PARL: variants seen among roughly 807,000 people sequenced by gnomAD.
PARL encodes presenilin-associated rhomboid-like protein, mitochondrial.
Under a neutral mutation model 51.6 loss-of-function variants are expected in PARL, and 44 were observed. The observed-to-expected ratio is 0.85, with a 90% CI of 0.67 to 1.10. The LOEUF is 1.10. Ranked by LOEUF, PARL falls within the 50% of genes least tolerant of loss-of-function variation. The probability of loss-of-function intolerance (pLI) is 0.00; values close to 1 mark genes in which losing one functional copy is unlikely to be tolerated. For missense variants in PARL, 441 were observed against 469.5 expected (o/e 0.94, Z 0.56); for synonymous variants, 172 against 164.0 (o/e 1.05, Z -0.37).
chr3:183,862,250 A>G (rs912135750), intron 4 of PARL, among the ~76,000 whole-genome samples: 2 of 152,188 alleles, frequency 1.3e-5, no homozygotes, highest in Non-Finnish European at 2.9e-5. Flanking sequence ...GGGGGAGAAG[A>G]GCGAAAACTG....
Position 183,875,415 on chromosome 3 carries a change from C to CAAAA in PARL, c.126-7359_126-7356dup, listed in dbSNP as rs61316689. Among the ~76,000 whole-genome samples the CAAAA allele has an allele frequency of 2.4e-3, 146 of 60,040 alleles. 1 individual carries two copies. The highest frequency in any genetic ancestry group is 0.013 in the Middle Eastern group (1 of 76). The allele number at this position is 60,040 out of a possible 152,430, so 39.4% of individuals were successfully genotyped here. The stretch of plus-strand genomic sequence containing the variant: ...GGGCGACAGAGCAAGACTCTGTCTC[C>CAAAA]AAAAAAAAAAAAAAAAAAAAAAATA... On this transcript the variant is annotated intron_variant, in intron 1 of 9. Coordinates refer to ENST00000317096, the MANE Select transcript of PARL (RefSeq NM_018622.7).
At chr3:183,881,419 G>C (rs189998685) in intron 1 of PARL, among the ~76,000 whole-genome samples, 1 of 152,336 alleles carries the variant, frequency 6.6e-6, no homozygotes, top group Non-Finnish European at 1.5e-5. Flanking sequence ...ACTATGCCCA[G>C]CCTGTGCATT....
chr3:183,870,492 T>G (rs1179251612), intron 1 of PARL, among the ~76,000 whole-genome samples: 3 of 151,910 alleles, frequency 2.0e-5, no homozygotes, highest in Non-Finnish European at 1.5e-5. Context: ...CTATAGTTTC[T>G]CAAATGTCCT....
intron 4 of PARL, among the ~76,000 whole-genome samples, chr3:183,860,678 G>T (rs1261998979): frequency 6.6e-6 from 1 of 152,192 alleles, no homozygotes; most frequent in East Asian, 1.9e-4. Flanking sequence ...AAACTCTGAT[G>T]CTAGGCTTCT....
At chr3:183,870,452 T>A (rs1162920281) in intron 1 of PARL, among the ~76,000 whole-genome samples, 1 of 151,938 alleles carries the variant, frequency 6.6e-6, no homozygotes, top group Non-Finnish European at 1.5e-5. Context: ...TGCATGTTCT[T>A]CTGGCCTCAC....
At chr3:183,860,300 T>C (rs1360817314) in intron 4 of PARL, among the ~76,000 whole-genome samples, 1 of 152,162 alleles carries the variant, frequency 6.6e-6, no homozygotes, top group African/African-American at 2.4e-5. Flanking sequence ...ATATAGGTAA[T>C]TGATTAAGCA....
At chr3:183,882,249 A>ATATATATATATATATTTATATATT (rs1553906098) in intron 1 of PARL, among the ~76,000 whole-genome samples, 1 of 43,904 alleles carries the variant, frequency 2.3e-5, no homozygotes. Flanking sequence ...ATATATTTAT[A>ATATATATATATATATTTATATATT]TATATATATA....
intron 1 of PARL, chr3:183,879,628 T>C (rs918241144): frequency 3.1e-5 from 15 of 477,504 alleles, no homozygotes; most frequent in Admixed American, 1.9e-4. Context: ...TGGTTTTCTA[T>C]TGGAATAAGG....
chr3:183,840,672 G>T (rs770771770), intron 6 of PARL, 32 bp from the exon 7 acceptor site: 14 of 1,078,590 alleles, frequency 1.3e-5, no homozygotes, highest in Non-Finnish European at 2.0e-5. Context: ...AATAATTTAA[G>T]TGAGGTATAA....
chr3:183,858,199 T>C (rs1449232354), intron 4 of PARL, among the ~76,000 whole-genome samples: 1 of 152,098 alleles, frequency 6.6e-6, no homozygotes, highest in Non-Finnish European at 1.5e-5. Context: ...TGATTCTGAT[T>C]AAAAGGTAAA....
At chr3:183,860,814 CT>C (rs11405513) in intron 4 of PARL, among the ~76,000 whole-genome samples, 21,054 of 126,412 alleles carry the variant, frequency 0.17, 1,296 homozygotes, top group East Asian at 0.4. Flanking sequence ...AATTTCGTTA[CT>C]TTTTTTTTTT....
At chr3:183,852,129 C>T (rs1399229214) in intron 4 of PARL, among the ~76,000 whole-genome samples, 1 of 152,078 alleles carries the variant, frequency 6.6e-6, no homozygotes, top group Non-Finnish European at 1.5e-5. Context: ...TGCACTCCAG[C>T]CTGAGTGACA....
At chr3:183,847,846 C>T (rs1035994283) in intron 4 of PARL, among the ~76,000 whole-genome samples, 2 of 152,158 alleles carry the variant, frequency 1.3e-5, no homozygotes, top group African/African-American at 4.8e-5. Flanking sequence ...TGCAAATGAA[C>T]AAAGAATAAT....
At chr3:183,871,626 C>T (rs1178629088) in intron 1 of PARL, among the ~76,000 whole-genome samples, 1 of 151,458 alleles carries the variant, frequency 6.6e-6, no homozygotes, top group Non-Finnish European at 1.5e-5. Context: ...CAAAAGAGTA[C>T]ATGATATGTG....
chr3:183,837,899 C>A (rs942653839), intron 7 of PARL, among the ~76,000 whole-genome samples: 18 of 152,058 alleles, frequency 1.2e-4, no homozygotes, highest in African/African-American at 4.1e-4. Flanking sequence ...ATCACTTGAG[C>A]CCAGGAGTTT....
rs1357396126 is a variant in PARL at position 183,876,251 on chromosome 3, T to C, written c.126-8191A>G. Among the ~76,000 whole-genome samples, 3 of 152,270 alleles carry C rather than the reference T, an allele frequency of 2.0e-5. No homozygotes were observed. In the East Asian group the frequency reaches 5.8e-4, roughly 29 times the overall value. On this transcript the variant is annotated intron_variant, in intron 1 of 9. Transcript: ENST00000317096. ...TAGTAGAGATGGGGTTTCACCGTGT[T>C]GGCCAGGGTGGTCTTGAACTCCTGA...
intron 4 of PARL, among the ~76,000 whole-genome samples, chr3:183,858,812 C>T (rs6775202): frequency 0.48 from 73,270 of 151,688 alleles, 17,993 homozygotes; most frequent in Middle Eastern, 0.57. Flanking sequence ...CGTTATACTC[C>T]CCGCTTGCCC....
chr3:183,832,524 AG>A (rs1189952964), intron 9 of PARL, among the ~76,000 whole-genome samples: 1 of 152,084 alleles, frequency 6.6e-6, no homozygotes, highest in South Asian at 2.1e-4. Flanking sequence ...TGGCCAGAAT[AG>A]ATTTTTCTTT....
chr3:183,856,109 T>A (rs1465455208), intron 4 of PARL, among the ~76,000 whole-genome samples: 2 of 152,200 alleles, frequency 1.3e-5, no homozygotes, highest in Non-Finnish European at 2.9e-5. Context: ...GAATTTTATA[T>A]GTGAATTATA....
Sources: gnomAD v4.1 joint callset for allele counts (sites outside exome capture counted in the v4.1 genomes callset) on GRCh38, gnomAD v4.1.1 for gene constraint, MANE v1.5 for transcripts, NCBI Gene and HGNC (gene_info 2026-07-23, HGNC 2026-07-21) for gene names.